CRYBG1: variants seen among roughly 807,000 people sequenced by gnomAD.
The protein encoded by CRYBG1 is crystallin beta-gamma domain containing 1.
A neutral mutation model predicts 189.2 loss-of-function variants in CRYBG1; 139 were observed. The observed-to-expected ratio is 0.73, with a 90% confidence interval of 0.64 to 0.85. The LOEUF (loss-of-function observed/expected upper bound fraction) is 0.85, where lower values mean the gene tolerates loss of function less well. CRYBG1 is among the 40% of genes least tolerant of loss of function. The probability of loss-of-function intolerance (pLI) is 0.00; values close to 1 mark genes in which losing one functional copy is unlikely to be tolerated. For synonymous variants in CRYBG1, 1,023 were observed against 1,017.1 expected (o/e 1.01, Z -0.11); for missense variants, 2,611 against 2,675.8 (o/e 0.98, Z 0.53).
intron 21 of CRYBG1, among the ~76,000 whole-genome samples, chr6:106,566,891 T>A (rs889295978): frequency 1.2e-4 from 19 of 152,234 alleles, no homozygotes; most frequent in African/African-American, 3.9e-4. Context: ...TTCTAGCTCA[T>A]CTTCTTGTGT....
intron 8 of CRYBG1, among the ~76,000 whole-genome samples, chr6:106,532,016 CT>C (rs1485382885): frequency 1.3e-5 from 2 of 152,072 alleles, no homozygotes; most frequent in Non-Finnish European, 2.9e-5. Context: ...CATTTTACTG[CT>C]TTTTAAATTA....
At chr6:106,469,014 G>A (rs1164465367) in intron 2 of CRYBG1, among the ~76,000 whole-genome samples, 4 of 152,190 alleles carry the variant, frequency 2.6e-5, no homozygotes, top group African/African-American at 7.2e-5. Flanking sequence ...TTGGAAGAGA[G>A]CGTTCCATTT....
intron 1 of CRYBG1, among the ~76,000 whole-genome samples, chr6:106,401,386 G>A (rs1196265947): frequency 8.4e-6 from 1 of 119,066 alleles, no homozygotes; most frequent in Admixed American, 9.2e-5. Context: ...TTTGCTGAAT[G>A]ATTCTTTTTT....
chr6:106,463,374 G>T (rs557497764), intron 2 of CRYBG1, among the ~76,000 whole-genome samples: 3 of 151,936 alleles, frequency 2.0e-5, no homozygotes, highest in South Asian at 2.1e-4. Context: ...GCTTTGTTTT[G>T]CACATGATGC....
Position 106,452,145 on chromosome 6 carries a change from G to A in CRYBG1, c.312+313G>A, listed in dbSNP as rs538832474. Among the ~76,000 whole-genome samples the A allele has an allele frequency of 1.8e-3, 268 of 147,488 alleles. 1 individual carries two copies. Among genetic ancestry groups the A allele is most frequent in the Non-Finnish European group, 2.8e-3 (189 of 67,290 alleles). On this transcript the variant is annotated intron_variant, in intron 2 of 21. Transcript: ENST00000633556. ...AGCTTGGCCGGGCCTGGTGGCTCACGCCTGTAATCCCAGCATTTTTGGAGG... is the reference window on the plus strand; with the variant it reads ...AGCTTGGCCGGGCCTGGTGGCTCACACCTGTAATCCCAGCATTTTTGGAGG...
intron 2 of CRYBG1, among the ~76,000 whole-genome samples, chr6:106,473,172 T>C (rs1772271741): frequency 6.6e-6 from 1 of 152,188 alleles, no homozygotes; most frequent in Non-Finnish European, 1.5e-5. Context: ...TTAACTATTC[T>C]TTTTCTTCTT....
chr6:106,525,272 T>A lies in CRYBG1; in HGVS notation c.4298T>A (p.Val1433Glu). 1 of 1,613,954 alleles carries A rather than the reference T, an allele frequency of 6.2e-7. No individual in the cohort carries two copies. The highest frequency in any genetic ancestry group is 8.5e-7 in the Non-Finnish European group (1 of 1,179,856). The change falls in exon 6 of 22, where the codon GTG (valine) becomes GAG (glutamate). Residue 1433 changes from valine (V) to glutamate (E), a missense_variant. Coordinates refer to ENST00000633556, the MANE Select transcript of CRYBG1 (RefSeq NM_001371242.2). ...ACCACTTTCGTTTTCTTGCAGGTAG[T>A]GATATATAGTGAACCCGACGTCTCT... Reference protein sequence around the residue: ...NKLNPRPGKVVIYSEPDVSEK... With the variant: ...NKLNPRPGKVEIYSEPDVSEK...
At chr6:106,461,493 G>A (rs1772007224) in intron 2 of CRYBG1, among the ~76,000 whole-genome samples, 2 of 152,330 alleles carry the variant, frequency 1.3e-5, no homozygotes, top group South Asian at 4.1e-4. Context: ...AGGCCATTGA[G>A]AGAGGATCTT....
chr6:106,483,060 G>C (rs114515587), intron 2 of CRYBG1, among the ~76,000 whole-genome samples: 1 of 152,036 alleles, frequency 6.6e-6, no homozygotes, highest in Non-Finnish European at 1.5e-5. Flanking sequence ...TCACCTTACT[G>C]TGATGTTATA....
chr6:106,458,936 G>A (rs941005728), intron 2 of CRYBG1, among the ~76,000 whole-genome samples: 1 of 152,142 alleles, frequency 6.6e-6, no homozygotes, highest in Non-Finnish European at 1.5e-5. Context: ...CACAAGTTGG[G>A]CATTCTCCAG....
chr6:106,483,378 G>GTGTGTGTGTGTGTATATATATATATA (rs1347885031), intron 2 of CRYBG1, among the ~76,000 whole-genome samples: 3 of 113,694 alleles, frequency 2.6e-5, no homozygotes, highest in African/African-American at 8.1e-5. Flanking sequence ...GTGTGTGTGT[G>GTGTGTGTGTGTGTATATATATATATA]TATATATATA....
At chr6:106,531,742 G>C (rs142013365) in intron 8 of CRYBG1, among the ~76,000 whole-genome samples, 1 of 152,134 alleles carries the variant, frequency 6.6e-6, no homozygotes, top group African/African-American at 2.4e-5. Context: ...AATAAAGTGA[G>C]CACCCAAGTA....
chr6:106,497,347 T>C (rs1054700207), intron 2 of CRYBG1, among the ~76,000 whole-genome samples: 1 of 152,170 alleles, frequency 6.6e-6, no homozygotes, highest in African/African-American at 2.4e-5. Flanking sequence ...CGAGAGGAAG[T>C]GTGAACTGCT....
chr6:106,361,161 ACCCCACTT>A, intron 1 of CRYBG1, 80 bp downstream of exon 1: 1 of 1,432,862 alleles, frequency 7.0e-7, no homozygotes. Context: ...TGGACTCCTG[ACCCCACTT>A]GGAGGAGGGG....
intron 1 of CRYBG1, among the ~76,000 whole-genome samples, chr6:106,398,135 C>G (rs1402797727): frequency 6.6e-6 from 1 of 152,070 alleles, no homozygotes; most frequent in African/African-American, 2.4e-5. Context: ...AGATTGAATC[C>G]TTGCCCGTCT....
intron 1 of CRYBG1, among the ~76,000 whole-genome samples, chr6:106,382,236 A>T: frequency 6.6e-6 from 1 of 152,242 alleles, no homozygotes; most frequent in Non-Finnish European, 1.5e-5. Flanking sequence ...CATCTAGGAC[A>T]TAGCACTTTA....
At chr6:106,385,390 C>G (rs1291108163) in intron 1 of CRYBG1, among the ~76,000 whole-genome samples, 1 of 152,212 alleles carries the variant, frequency 6.6e-6, no homozygotes, top group Non-Finnish European at 1.5e-5. Context: ...CTGGATAACA[C>G]AGTGCATAGC....
At chr6:106,462,809 G>A (rs1193923760) in intron 2 of CRYBG1, among the ~76,000 whole-genome samples, 1 of 152,090 alleles carries the variant, frequency 6.6e-6, no homozygotes, top group African/African-American at 2.4e-5. Context: ...ATTGAGTGGC[G>A]AATCAAGATC....
chr6:106,542,082 G>C (rs1278873383), intron 10 of CRYBG1, among the ~76,000 whole-genome samples: 1 of 151,270 alleles, frequency 6.6e-6, no homozygotes, highest in African/African-American at 2.4e-5. Flanking sequence ...GAATCCTCTG[G>C]TTCCTTCTAT....
Sources: allele counts gnomAD v4.1 joint callset (sites outside exome capture counted in the v4.1 genomes callset), GRCh38; gene constraint gnomAD v4.1.1; transcripts MANE v1.5; gene names NCBI Gene and HGNC (gene_info 2026-07-23, HGNC 2026-07-21).